Variants in PGAM1 observed in about 807,000 individuals in gnomAD.
PGAM1 encodes the protein BPG-dependent PGAM 1.
Under a neutral mutation model 23.5 loss-of-function variants are expected in PGAM1, and 21 were observed. The observed-to-expected ratio is 0.89, with a 90% CI of 0.63 to 1.29. The LOEUF is 1.29. Ranked by LOEUF, PGAM1 falls within the 50% of genes most tolerant of loss-of-function variation. The probability of loss-of-function intolerance (pLI) is 0.00; values close to 1 mark genes in which losing one functional copy is unlikely to be tolerated. For synonymous variants in PGAM1, 109 were observed against 128.6 expected (o/e 0.85, Z 1.03); for missense variants, 232 against 336.3 (o/e 0.69, Z 2.42).
At chr10:97,431,921 A>G (rs1005137052) in intron 3 of PGAM1, among the ~76,000 whole-genome samples, 3 of 151,956 alleles carry the variant, frequency 2.0e-5, no homozygotes, top group Non-Finnish European at 2.9e-5. Context: ...AAATATATAT[A>G]AAAGAAAAAA....
chr10:97,433,354 C>A lies in PGAM1; in HGVS notation c.*830C>A, dbSNP rs1181473202. 1 of 152,272 alleles carries A rather than the reference C, an allele frequency of 6.6e-6. No homozygotes were observed. The highest frequency in any genetic ancestry group is 1.9e-4 in the East Asian group (1 of 5,154). 9.4% of individuals were successfully genotyped at this position (152,272 alleles called of 1,614,324 possible). A position where few individuals can be genotyped will look rare whatever the true frequency, so the allele number is the denominator to read the frequency against. Reference sequence around the variant, plus strand: ...TCTGAATCATGTTCTAGTTGCTTGACCCTGCCACATGGGTCCAGTGTTCAT... The same window carrying A: ...TCTGAATCATGTTCTAGTTGCTTGAACCTGCCACATGGGTCCAGTGTTCAT... On this transcript the variant is annotated 3_prime_UTR_variant, in exon 4 of 4. Transcript: ENST00000334828.
intron 1 of PGAM1, chr10:97,427,973 G>GT (rs1845430373): frequency 7.9e-7 from 1 of 1,268,552 alleles, no homozygotes; most frequent in African/African-American, 1.5e-5. Context: ...GGGAGTGATT[G>GT]TTTGAGATGG....
At chr10:97,431,549 G>C (rs1201702284) in intron 3 of PGAM1, among the ~76,000 whole-genome samples, 1 of 152,034 alleles carries the variant, frequency 6.6e-6, no homozygotes, top group Admixed American at 6.6e-5. Context: ...GGAGGCCAAG[G>C]CAGGAGGACC....
intron 1 of PGAM1, among the ~76,000 whole-genome samples, chr10:97,428,494 G>T (rs1845435201): frequency 6.6e-6 from 1 of 152,310 alleles, no homozygotes. Flanking sequence ...AAAGGAAGAG[G>T]CTTTATTCTC....
Position 97,430,939 on chromosome 10 carries a change from A to G in PGAM1, c.415-16A>G, listed in dbSNP as rs768985081. 6.2e-6 allele frequency: 10 copies of G among 1,613,934 alleles called. No homozygotes were observed. The highest frequency in any genetic ancestry group is 8.5e-6 in the Non-Finnish European group (10 of 1,179,834). On this transcript the variant is annotated splice_polypyrimidine_tract_variant and intron_variant, in intron 2 of 3. Transcript: ENST00000334828. ...AACTCTTAATAAGTGGTGAACTTGG[A>G]TTCTTTATTGCTTAGGATCGCAGGT...
At chr10:97,428,306 G>A (rs1378914217) in intron 1 of PGAM1, among the ~76,000 whole-genome samples, 1 of 152,184 alleles carries the variant, frequency 6.6e-6, no homozygotes, top group Non-Finnish European at 1.5e-5. Flanking sequence ...TGCTTTAAGT[G>A]ATAGGGTTTG....
chr10:97,430,900 CTT>C lies in PGAM1; in HGVS notation c.415-52_415-51del, dbSNP rs1845463388. 6.2e-6 allele frequency: 10 copies of C among 1,603,934 alleles called. No homozygotes were observed. The Admixed American group carries it at 8.3e-5, about 13-fold the overall frequency. On this transcript the variant is annotated intron_variant, in intron 2 of 3. Transcript: ENST00000334828. The stretch of plus-strand genomic sequence containing the variant: ...GGCCAAAATCGATACATCATGAAGT[CTT>C]TTAACAGATGTAACTCTTAATAAGT...
chr10:97,431,616 A>C (rs1016445198), intron 3 of PGAM1, among the ~76,000 whole-genome samples: 2 of 152,026 alleles, frequency 1.3e-5, no homozygotes, highest in African/African-American at 4.8e-5. Flanking sequence ...GCATCTCTAC[A>C]AAATTTTAAA....
At position 97,430,368 on chromosome 10, in the gene PGAM1, C is replaced by A; in HGVS notation, c.140-11C>A. 6.2e-7 allele frequency: 1 copy of A among 1,611,892 alleles called. No individual in the cohort carries two copies. The highest frequency in any genetic ancestry group is 1.1e-5 in the South Asian group (1 of 90,992). On this transcript the variant is annotated splice_polypyrimidine_tract_variant and intron_variant, in intron 1 of 3. Coordinates refer to ENST00000334828, the MANE Select transcript of PGAM1 (RefSeq NM_002629.4). ...CTGGTTAGCTTATCACTTTGAACTT[C>A]TGATTTCCAGATGCTGGCTATGAGT... is the stretch of plus-strand genomic sequence containing the variant.
chr10:97,432,227 A>G (rs1845478100), intron 3 of PGAM1, 128 bp from the exon 4 acceptor site: 2 of 1,291,410 alleles, frequency 1.5e-6, no homozygotes, highest in South Asian at 2.4e-5. Context: ...CAGAACTACT[A>G]TAAAGATCAG....
chr10:97,428,569 A>T (rs927552337), intron 1 of PGAM1, among the ~76,000 whole-genome samples: 3 of 152,226 alleles, frequency 2.0e-5, no homozygotes, highest in Non-Finnish European at 1.5e-5. Context: ...GGACCTATTT[A>T]TGTGTCCAAA....
chr10:97,430,751 T>G (rs1220796071), intron 2 of PGAM1, 98 bp downstream of exon 2: 6 of 1,558,824 alleles, frequency 3.8e-6, no homozygotes, highest in Non-Finnish European at 5.3e-6. Context: ...GATAAAATAG[T>G]TAATTGTAAT....
intron 3 of PGAM1, 76 bp from the exon 4 acceptor site, chr10:97,432,279 C>G: frequency 1.3e-6 from 2 of 1,586,748 alleles, no homozygotes; most frequent in Admixed American, 3.3e-5. Flanking sequence ...TCCTTTATCA[C>G]CTGGAGGACA....
rs1465005248 is a variant in PGAM1 at position 97,431,110 on chromosome 10, C to T, written c.570C>T (p.Leu190=). 1 of 1,614,156 alleles carries T rather than the reference C, an allele frequency of 6.2e-7. No homozygotes were observed. Among genetic ancestry groups the T allele is most frequent in the Non-Finnish European group, 8.5e-7 (1 of 1,180,030 alleles). Residue 190 remains leucine (L), a synonymous_variant, in exon 3 of 4, where the codon CTC becomes CTT. Coordinates refer to ENST00000334828, the MANE Select transcript of PGAM1 (RefSeq NM_002629.4). ...RVLIAAHGNS[L]RGIVKHLEGL... is the part of the protein sequence containing the mutation. ...TGATTGCAGCCCATGGCAACAGCCT[C>T]CGGGGCATTGTCAAGCATCTGGAGG...
intron 3 of PGAM1, 151 bp from the exon 4 acceptor site, chr10:97,432,204 C>A: frequency 1.9e-6 from 2 of 1,077,210 alleles, no homozygotes; most frequent in Non-Finnish European, 2.8e-6. Context: ...TGGTGGGGGC[C>A]ATTCCCTGGG....
intron 3 of PGAM1, 55 bp downstream of exon 3, chr10:97,431,190 A>C: frequency 6.2e-7 from 1 of 1,603,508 alleles, no homozygotes; most frequent in East Asian, 2.2e-5. Context: ...GAACTGCCAC[A>C]AATCAGGGAC....
chr10:97,432,164 C>T (rs527256204), intron 3 of PGAM1, among the ~76,000 whole-genome samples, 191 bp from the exon 4 acceptor site: 1 of 152,286 alleles, frequency 6.6e-6, no homozygotes, highest in East Asian at 1.9e-4. Context: ...CCTTTTCTTG[C>T]TTTTCAGTTT....
At chr10:97,428,183 C>G in intron 1 of PGAM1, among the ~76,000 whole-genome samples, 1 of 152,136 alleles carries the variant, frequency 6.6e-6, no homozygotes. Context: ...ATAACAGATC[C>G]TATTTCAGTT....
At chr10:97,431,909 A>C (rs1447068265) in intron 3 of PGAM1, among the ~76,000 whole-genome samples, 1 of 151,756 alleles carries the variant, frequency 6.6e-6, no homozygotes, top group East Asian at 1.9e-4. Context: ...AAAAAGGAAA[A>C]CAAATATATA....
Sources: gnomAD v4.1 joint callset for allele counts (sites outside exome capture counted in the v4.1 genomes callset) on GRCh38, gnomAD v4.1.1 for gene constraint, MANE v1.5 for transcripts, NCBI Gene and HGNC (gene_info 2026-07-23, HGNC 2026-07-21) for gene names.